KLKB1: variants seen among roughly 807,000 people sequenced by gnomAD.
KLKB1 encodes kallikrein B1, also known as plasma kallikrein.
A neutral mutation model predicts 73.6 loss-of-function variants in KLKB1; 58 were observed. The ratio of observed to expected loss-of-function variants is 0.79; its 90% CI spans 0.64 to 0.98. The LOEUF is 0.98. Ranked by LOEUF, KLKB1 falls within the 50% of genes least tolerant of loss-of-function variation. The pLI, the probability that KLKB1 is intolerant of heterozygous loss-of-function variation, is 0.00. For synonymous variants in KLKB1, 280 were observed against 258.1 expected (o/e 1.08, Z -0.81); for missense variants, 737 against 763.8 (o/e 0.96, Z 0.41).
chr4:186,250,985 C>G, intron 7 of KLKB1: 2 of 516,188 alleles, frequency 3.9e-6, no homozygotes, highest in Non-Finnish European at 6.8e-6. Context: ...TCATCATTGT[C>G]CTCTTTTCAG....
At chr4:186,256,736 C>T (rs1216406718) in intron 13 of KLKB1, among the ~76,000 whole-genome samples, 3 of 151,910 alleles carry the variant, frequency 2.0e-5, no homozygotes, top group East Asian at 1.9e-4. Context: ...TTTTCAGAAA[C>T]GATATAGTTG....
rs1328339367 is a variant in KLKB1, at chr4:186,254,776, T to C, written c.1489+13T>C. The C allele has an allele frequency of 5.0e-6, 8 of 1,605,786 alleles. No homozygotes were observed. The African/African-American group carries it at 6.7e-5, about 13-fold the overall frequency. On this transcript the variant is annotated intron_variant, in intron 12 of 14. Transcript: ENST00000264690. ...TTGAATTACACTGGTATGTAGCATA[T>C]GTAAGAAGGTGGAGAGCAGAATTGC...
chr4:186,233,562 G>T (rs941648989), intron 3 of KLKB1, among the ~76,000 whole-genome samples: 18 of 152,152 alleles, frequency 1.2e-4, no homozygotes, highest in African/African-American at 4.3e-4. Flanking sequence ...CAGACTACAA[G>T]GAGTTAATAA....
chr4:186,258,207 G>A lies in KLKB1; in HGVS notation c.1912G>A (p.Ala638Thr). The A allele has an allele frequency of 1.2e-6, 2 of 1,613,642 alleles. No homozygotes were observed. The highest frequency in any genetic ancestry group is 1.7e-6 in the Non-Finnish European group (2 of 1,179,804). The part of the protein sequence containing the change: ...SDGKAQMQSP[A>T] ...TGGAAAAGCTCAGATGCAGTCACCA[G>A]CATGAGAAGCAGTCCAGAGTCTAGG... The change falls in exon 15 of 15, where the codon GCA becomes ACA. Residue 638 changes from alanine to threonine, a missense_variant. Coordinates refer to ENST00000264690, the MANE Select transcript of KLKB1 (RefSeq NM_000892.5).
chr4:186,250,316 T>A lies in KLKB1; in HGVS notation c.672T>A (p.Ala224=). 3 of 1,614,104 alleles carry A rather than the reference T, an allele frequency of 1.9e-6. No individual in the cohort carries two copies. Among genetic ancestry groups the A allele is most frequent in the Non-Finnish European group, 2.5e-6 (3 of 1,179,924 alleles). The part of the protein sequence containing the change: ...VDVARVLTPD[A]FVCRTICTYH... ...TTGCCAGGGTTCTCACTCCAGATGC[T>A]TTTGTGTGTCGGACCATCTGCACCT... Residue 224 remains alanine, a synonymous_variant, in exon 7 of 15, where the codon GCT becomes GCA. Transcript: ENST00000264690.
intron 14 of KLKB1, 59 bp from the exon 15 acceptor site, chr4:186,257,962 A>G: frequency 6.8e-7 from 1 of 1,466,486 alleles, no homozygotes; most frequent in Non-Finnish European, 9.6e-7. Flanking sequence ...AGAGGCAGTC[A>G]CTTATTTGAA....
Position 186,257,197 on chromosome 4 carries a change from C to T in KLKB1, c.1586-29C>T, listed in dbSNP as rs182985176. The T allele has an allele frequency of 6.9e-5, 94 of 1,354,012 alleles. No individual in the cohort carries two copies. In the East Asian group the frequency reaches 2.2e-3, roughly 32 times the overall value. 83.9% of individuals were successfully genotyped at this position (1,354,012 alleles called of 1,614,324 possible). A position where few individuals can be genotyped will look rare whatever the true frequency, so the allele number is the denominator to read the frequency against. On this transcript the variant is annotated intron_variant, in intron 13 of 14. Transcript: ENST00000264690. Reference sequence around the variant, plus strand: ...ATTTAAGTTATTATTATTAACTTCCCTCTGAGGTTATATATTGGTTACTCA... The same window carrying T: ...ATTTAAGTTATTATTATTAACTTCCTTCTGAGGTTATATATTGGTTACTCA...
chr4:186,219,063 G>A (rs573182035), intron 2 of KLKB1, among the ~76,000 whole-genome samples: 12 of 152,190 alleles, frequency 7.9e-5, no homozygotes, highest in African/African-American at 2.6e-4. Flanking sequence ...AAAGATGAGG[G>A]CCAGAAGACT....
At chr4:186,223,998 C>G (rs529406769), upstream of KLKB1, among the ~76,000 whole-genome samples, 30 of 152,364 alleles carry the variant, frequency 2.0e-4, no homozygotes, top group African/African-American at 7.2e-4. Context: ...CCCAGCCACT[C>G]CAGCTCCAGC....
intron 3 of KLKB1, 46 bp downstream of exon 3, chr4:186,232,335 G>C (rs1023894061): frequency 6.4e-7 from 1 of 1,570,228 alleles, no homozygotes; most frequent in South Asian, 1.1e-5. Context: ...TTTCAAAACT[G>C]AATCAGTTTT....
In KLKB1 at chr4:186,228,242, C is replaced by T. The variant is rs1178881492; in HGVS notation, c.47C>T (p.Thr16Ile). ...QATYFISLFA[T>I]VSCGCLTQLY... ...ACTTATTTCATTTCCTTGTTTGCTA[C>T]AGTTTCCTGTGGTAAGTGAATTATC... The change falls in exon 2 of 15, where the codon ACA becomes ATA. Residue 16 changes from threonine (T) to isoleucine (I), a missense_variant. Coordinates refer to ENST00000264690, the MANE Select transcript of KLKB1 (RefSeq NM_000892.5). 2 of 1,596,158 alleles carry T rather than the reference C, an allele frequency of 1.3e-6. No homozygotes were observed. The highest frequency in any genetic ancestry group is 2.2e-5 in the East Asian group (1 of 44,784).
upstream of KLKB1, among the ~76,000 whole-genome samples, chr4:186,222,163 G>A (rs1737046855): frequency 6.6e-6 from 1 of 152,134 alleles, no homozygotes; most frequent in Non-Finnish European, 1.5e-5. Flanking sequence ...TAAAGCTAAA[G>A]TTAGTCTCTT....
At chr4:186,247,299 G>T (rs778625200) in intron 6 of KLKB1, among the ~76,000 whole-genome samples, 2 of 152,098 alleles carry the variant, frequency 1.3e-5, no homozygotes, top group African/African-American at 4.8e-5. Flanking sequence ...GTGCAGGCGG[G>T]CTGAGTCCAA....
chr4:186,215,987 GTGTCTCATATGA>G (rs983796657), intron 2 of KLKB1, among the ~76,000 whole-genome samples: 4 of 152,216 alleles, frequency 2.6e-5, no homozygotes, highest in African/African-American at 4.8e-5. Context: ...AAGGACTGCA[GTGTCTCATATGA>G]TGCAATTGGA....
chr4:186,257,934 A>G (rs553880708), intron 14 of KLKB1, 87 bp from the exon 15 acceptor site: 40 of 1,111,842 alleles, frequency 3.6e-5, no homozygotes, highest in Non-Finnish European at 2.8e-5. Context: ...GTTGCTGTGT[A>G]GTGGACTACA....
chr4:186,243,605 A>G (rs990089175), intron 6 of KLKB1, among the ~76,000 whole-genome samples: 4 of 152,170 alleles, frequency 2.6e-5, no homozygotes, highest in Admixed American at 6.5e-5. Flanking sequence ...AGTGGCCTTG[A>G]GAGGAGTTTT....
chr4:186,222,016 C>T (rs867005314), upstream of KLKB1, among the ~76,000 whole-genome samples: 11 of 152,090 alleles, frequency 7.2e-5, no homozygotes, highest in Non-Finnish European at 1.6e-4. Context: ...ATATAATGAC[C>T]TTCTCTGTCT....
chr4:186,245,726 C>G (rs1738293987), intron 6 of KLKB1, among the ~76,000 whole-genome samples: 1 of 150,482 alleles, frequency 6.6e-6, no homozygotes, highest in Non-Finnish European at 1.5e-5. Context: ...TTGGCTGCCT[C>G]TATTATTGTA....
chr4:186,239,210 A>G (rs1474942296), intron 6 of KLKB1, among the ~76,000 whole-genome samples: 1 of 135,164 alleles, frequency 7.4e-6, no homozygotes, highest in Non-Finnish European at 1.6e-5. Context: ...ATAGGAAACT[A>G]GTACAGTGAT....
Sources: gnomAD v4.1 joint callset for allele counts (sites outside exome capture counted in the v4.1 genomes callset) on GRCh38, gnomAD v4.1.1 for gene constraint, MANE v1.5 for transcripts, NCBI Gene and HGNC (gene_info 2026-07-23, HGNC 2026-07-21) for gene names.